CAST: variants seen among roughly 807,000 people sequenced by gnomAD.
CAST encodes calpastatin, also known as MIR583 host.
Under a neutral mutation model 119.6 loss-of-function variants are expected in CAST, and 76 were observed. The observed-to-expected ratio is 0.64, with a 90% CI of 0.53 to 0.77. CAST has a LOEUF of 0.77. Among genes scored for constraint, CAST ranks in the 30% least tolerant of loss-of-function variants. CAST has a pLI of 0.00. For synonymous variants in CAST, 319 were observed against 331.6 expected (o/e 0.96, Z 0.41); for missense variants, 953 against 946.5 (o/e 1.01, Z -0.09).
At chr5:96,106,186 C>T in the CAST span, among the ~76,000 whole-genome samples, 1 of 150,394 alleles carries the variant, frequency 6.6e-6, no homozygotes, top group Non-Finnish European at 1.5e-5. Flanking sequence ...AAAAAACTAG[C>T]TCCTGGATTC....
At chr5:96,649,308 C>T (rs959771358) in intron 1 of CAST, among the ~76,000 whole-genome samples, 6 of 152,174 alleles carry the variant, frequency 3.9e-5, no homozygotes, top group Non-Finnish European at 7.4e-5. Flanking sequence ...ACAGTCTCAA[C>T]ACAAACATGT....
At chr5:96,380,681 G>T in the CAST span, among the ~76,000 whole-genome samples, 2 of 152,170 alleles carry the variant, frequency 1.3e-5, no homozygotes, top group African/African-American at 4.8e-5. Flanking sequence ...CAGAAAACTT[G>T]TATCTACTAC....
At chr5:96,431,969 A>C in the CAST span, 1 of 728,804 alleles carries the variant, frequency 1.4e-6, no homozygotes, top group Non-Finnish European at 2.4e-6. Context: ...AGCTATAAGC[A>C]GTCTCCCACT....
At chr5:96,743,599 C>CT (rs762241163) in intron 16 of CAST, 13 of 1,604,570 alleles carry the variant, frequency 8.1e-6, no homozygotes, top group Non-Finnish European at 1.1e-5. Flanking sequence ...AGCAACAATC[C>CT]TTGAGTCTGG....
At chr5:96,543,789 G>T (rs1258318735) in intron 1 of CAST, among the ~76,000 whole-genome samples, 1 of 152,088 alleles carries the variant, frequency 6.6e-6, no homozygotes, top group South Asian at 2.1e-4. Context: ...ACATCTAATT[G>T]TTTCAATACC....
At chr5:96,304,832 A>G in the CAST span, among the ~76,000 whole-genome samples, 1 of 152,138 alleles carries the variant, frequency 6.6e-6, no homozygotes, top group Non-Finnish European at 1.5e-5. Context: ...TACCAGTACC[A>G]TGCTGTTTTG....
chr5:96,021,684 A>G, the CAST span, among the ~76,000 whole-genome samples: 81 of 152,148 alleles, frequency 5.3e-4, no homozygotes, highest in Admixed American at 2.0e-3. Context: ...CTGACTTTGT[A>G]ATCCTCCCTC....
chr5:96,515,901 A>T, the CAST span, among the ~76,000 whole-genome samples: 3 of 151,864 alleles, frequency 2.0e-5, no homozygotes, highest in Non-Finnish European at 4.4e-5. Flanking sequence ...CTTCTGTAGG[A>T]AATCTTGGGT....
the CAST span, among the ~76,000 whole-genome samples, chr5:96,226,389 G>T: frequency 6.6e-6 from 1 of 152,300 alleles, no homozygotes; most frequent in South Asian, 2.1e-4. Flanking sequence ...GGTGGGTTAT[G>T]CCTGTAATCC....
chr5:96,085,198 G>A, the CAST span, among the ~76,000 whole-genome samples: 1 of 151,848 alleles, frequency 6.6e-6, no homozygotes, highest in Non-Finnish European at 1.5e-5. Context: ...CTTTCATTAG[G>A]TACTTATTGA....
chr5:96,179,167 A>C, the CAST span, among the ~76,000 whole-genome samples: 4 of 152,160 alleles, frequency 2.6e-5, no homozygotes, highest in Admixed American at 6.5e-5. Context: ...TCTGATCTCT[A>C]TCTACACTGT....
At chr5:96,697,560 G>A (rs1005739113) in intron 3 of CAST, among the ~76,000 whole-genome samples, 4 of 152,170 alleles carry the variant, frequency 2.6e-5, no homozygotes, top group African/African-American at 4.8e-5. Context: ...ACCATGAATC[G>A]TAAATACAGG....
the CAST span, among the ~76,000 whole-genome samples, chr5:96,335,088 C>A: frequency 6.6e-6 from 1 of 152,332 alleles, no homozygotes; most frequent in African/African-American, 2.4e-5. Flanking sequence ...ATCCACCTTT[C>A]CTCTTGCAGG....
At chr5:96,062,669 G>A in the CAST span, among the ~76,000 whole-genome samples, 2 of 152,162 alleles carry the variant, frequency 1.3e-5, no homozygotes, top group Non-Finnish European at 2.9e-5. Flanking sequence ...TCCTGGCAGG[G>A]ATAATTGGTC....
chr5:96,774,164 G>T lies in CAST; in HGVS notation c.*1548G>T, dbSNP rs1452140990. 6.5e-6 allele frequency: 1 copy of T among 153,620 alleles called. No individual in the cohort carries two copies. The highest frequency in any genetic ancestry group is 2.4e-5 in the African/African-American group (1 of 41,324). 9.5% of individuals were successfully genotyped at this position (153,620 alleles called of 1,614,324 possible). On this transcript the variant is annotated 3_prime_UTR_variant, in exon 32 of 32. Coordinates refer to ENST00000675179, the MANE Select transcript of CAST (RefSeq NM_001750.7). ...GGGCAGTATAGGTGTTTGCTTTTTT[G>T]TTTTCTTTTTTTAAGAAAAACCTTG...
the CAST span, among the ~76,000 whole-genome samples, chr5:96,473,260 G>A: frequency 6.6e-6 from 1 of 152,200 alleles, no homozygotes; most frequent in African/African-American, 2.4e-5. Flanking sequence ...CAATACAGAT[G>A]AGTAAACAGG....
the CAST span, among the ~76,000 whole-genome samples, chr5:96,172,547 C>T: frequency 1.1e-4 from 17 of 152,092 alleles, no homozygotes; most frequent in African/African-American, 3.6e-4. Context: ...AATAACTTTC[C>T]GCAAAAGAAG....
the CAST span, among the ~76,000 whole-genome samples, chr5:96,409,188 C>T: frequency 6.6e-5 from 10 of 152,182 alleles, no homozygotes; most frequent in Non-Finnish European, 1.0e-4. Flanking sequence ...TTAAGGACCA[C>T]GGCGCTGCTG....
At chr5:96,270,890 G>C in the CAST span, among the ~76,000 whole-genome samples, 1 of 150,168 alleles carries the variant, frequency 6.7e-6, no homozygotes, top group Non-Finnish European at 1.5e-5. Flanking sequence ...AAAAAAAAAA[G>C]ACTCCAAAAA....
Sources: gnomAD v4.1 joint callset for allele counts (sites outside exome capture counted in the v4.1 genomes callset) on GRCh38, gnomAD v4.1.1 for gene constraint, MANE v1.5 for transcripts, NCBI Gene and HGNC (gene_info 2026-07-23, HGNC 2026-07-21) for gene names.